Variants in LRRC37A2 observed in about 807,000 individuals in gnomAD.
LRRC37A2 encodes the protein leucine rich repeat containing 37 member A2.
LRRC37A2 carries 9 observed loss-of-function variants against 68.8 expected under a neutral mutation model. That is an observed-to-expected ratio of 0.13 (90% CI 0.08 to 0.23). LRRC37A2 has a LOEUF of 0.23. LRRC37A2 is among the 10% of genes least tolerant of loss of function. The probability of loss-of-function intolerance (pLI) is 1.00; values close to 1 mark genes in which losing one functional copy is unlikely to be tolerated. For missense variants in LRRC37A2, 168 were observed against 950.4 expected, an observed-to-expected ratio of 0.18 and a Z score of 10.82; for synonymous variants, 63 against 367.6, an observed-to-expected ratio of 0.17 and a Z score of 9.48.
chr17:46,425,336 TCAGA>T, the LRRC37A2 span, among the ~76,000 whole-genome samples: 1 of 1,712 alleles, frequency 5.8e-4, no homozygotes, highest in African/African-American at 3.1e-3. Flanking sequence ...TATATGGAGA[TCAGA>T]CAAAGTAGAT....
chr17:46,944,976 A>G, the LRRC37A2 span, among the ~76,000 whole-genome samples: 1 of 152,194 alleles, frequency 6.6e-6, no homozygotes, highest in East Asian at 1.9e-4. Flanking sequence ...CCCAGGTGCA[A>G]TGGAGTATCA....
chr17:46,938,515 A>G, the LRRC37A2 span: 7 of 1,604,062 alleles, frequency 4.4e-6, 1 homozygote, highest in Admixed American at 1.2e-4. Context: ...GTCTGTTGGC[A>G]AAGCTCCATC....
At chr17:46,770,379 T>C in the LRRC37A2 span, among the ~76,000 whole-genome samples, 1 of 152,344 alleles carries the variant, frequency 6.6e-6, no homozygotes, top group South Asian at 2.1e-4. Context: ...CAGCCACTTC[T>C]GTCCTGGTCC....
chr17:46,967,919 G>T, the LRRC37A2 span, among the ~76,000 whole-genome samples: 1 of 152,280 alleles, frequency 6.6e-6, no homozygotes, highest in East Asian at 1.9e-4. Flanking sequence ...AAGAGGGAGA[G>T]CCACTGTGAA....
chr17:46,634,597 C>G, the LRRC37A2 span, among the ~76,000 whole-genome samples: 1 of 24,450 alleles, frequency 4.1e-5, no homozygotes, highest in African/African-American at 1.4e-4. Context: ...GCACGAGAAT[C>G]ACTTGAACCC....
the LRRC37A2 span, chr17:46,933,158 GC>G: frequency 6.6e-6 from 1 of 152,232 alleles, no homozygotes; most frequent in Non-Finnish European, 1.5e-5. Context: ...TAGTATTCAG[GC>G]CTTTTTTAGG....
intron 8 of LRRC37A2, among the ~76,000 whole-genome samples, chr17:46,542,696 AAT>A (rs1273255706): frequency 6.7e-6 from 1 of 150,014 alleles, no homozygotes; most frequent in Non-Finnish European, 1.5e-5. Flanking sequence ...CCCTGTCTAA[AAT>A]ATATATATAT....
chr17:46,949,913 C>T, the LRRC37A2 span, among the ~76,000 whole-genome samples: 29 of 152,290 alleles, frequency 1.9e-4, no homozygotes, highest in Admixed American at 7.2e-4. Flanking sequence ...TGAGGCCAGA[C>T]GCGGGGTGCC....
At chr17:47,010,745 C>G in the LRRC37A2 span, 4 of 152,250 alleles carry the variant, frequency 2.6e-5, no homozygotes, top group East Asian at 7.7e-4. Flanking sequence ...ACCTGGAACC[C>G]GGGGTCAGAG....
At chr17:46,784,814 C>T in the LRRC37A2 span, among the ~76,000 whole-genome samples, 626 of 149,144 alleles carry the variant, frequency 4.2e-3, 9 homozygotes, top group Admixed American at 0.028. Flanking sequence ...CTCGCTCTGT[C>T]GCCCAGGCTG....
the LRRC37A2 span, chr17:46,721,535 T>G: frequency 5.9e-6 from 7 of 1,178,138 alleles, no homozygotes; most frequent in African/African-American, 1.5e-5. Flanking sequence ...TATACATTCT[T>G]TTTCTGTGTG....
At chr17:46,849,275 T>G in the LRRC37A2 span, among the ~76,000 whole-genome samples, 1 of 152,258 alleles carries the variant, frequency 6.6e-6, no homozygotes, top group Non-Finnish European at 1.5e-5. Flanking sequence ...ATTCATAGGC[T>G]TACCCATCAG....
At chr17:46,468,377 G>GA in the LRRC37A2 span, among the ~76,000 whole-genome samples, 2 of 19,434 alleles carry the variant, frequency 1.0e-4, no homozygotes, top group Middle Eastern at 0.033. Context: ...CAACCTTGAA[G>GA]AAAAAAAAAA....
At chr17:46,760,527 C>A in the LRRC37A2 span, among the ~76,000 whole-genome samples, 2 of 147,894 alleles carry the variant, frequency 1.4e-5, no homozygotes, top group African/African-American at 2.5e-5. Flanking sequence ...CCCAGCTACA[C>A]GGGAGCCTGA....
At chr17:46,978,523 G>A in the LRRC37A2 span, 4 of 1,249,682 alleles carry the variant, frequency 3.2e-6, no homozygotes, top group African/African-American at 6.4e-5. Context: ...TCCCCGCCCG[G>A]GCGCCCCAGG....
At chr17:46,752,099 C>T in the LRRC37A2 span, among the ~76,000 whole-genome samples, 1 of 152,152 alleles carries the variant, frequency 6.6e-6, no homozygotes, top group Non-Finnish European at 1.5e-5. Flanking sequence ...GCAGTCTAGA[C>T]TTGGGATCTG....
chr17:46,541,184 C>A (rs1303720918), intron 8 of LRRC37A2, among the ~76,000 whole-genome samples: 1 of 146,218 alleles, frequency 6.8e-6, no homozygotes, highest in African/African-American at 2.7e-5. Context: ...TTGCCTTTTC[C>A]AGAATGTCTT....
At chr17:46,605,649 A>G in the LRRC37A2 span, among the ~76,000 whole-genome samples, 3 of 72,016 alleles carry the variant, frequency 4.2e-5, no homozygotes, top group Non-Finnish European at 8.2e-5. Context: ...AAAACAGACA[A>G]ACACTCAATG....
At chr17:46,486,864 A>C in the LRRC37A2 span, among the ~76,000 whole-genome samples, 1 of 65,082 alleles carries the variant, frequency 1.5e-5, no homozygotes, top group South Asian at 6.2e-4. Context: ...CAATTTTGGC[A>C]GTTCTCTATG....
Sources: allele counts gnomAD v4.1 joint callset (sites outside exome capture counted in the v4.1 genomes callset), GRCh38; gene constraint gnomAD v4.1.1; transcripts MANE v1.5; gene names NCBI Gene and HGNC (gene_info 2026-07-23, HGNC 2026-07-21).